The following GPHN variants were observed in gnomAD, a reference collection of about 807,000 sequenced individuals.
The protein encoded by GPHN is gephyrin.
In GPHN, 17 loss-of-function variants were observed where a neutral mutation model predicts 95.5. The observed-to-expected ratio is 0.18, with a 90% CI of 0.12 to 0.27. The LOEUF (loss-of-function observed/expected upper bound fraction) is 0.27, where lower values mean the gene tolerates loss of function less well. GPHN is among the 10% of genes least tolerant of loss of function. The pLI is 1.00. For missense variants in GPHN, 660 were observed against 978.1 expected, an observed-to-expected ratio of 0.67 and a Z score of 4.34; for synonymous variants, 320 against 322.5, an observed-to-expected ratio of 0.99 and a Z score of 0.08.
At chr14:67,610,017 G>A in the GPHN span, among the ~76,000 whole-genome samples, 1 of 152,240 alleles carries the variant, frequency 6.6e-6, no homozygotes, top group East Asian at 1.9e-4. Flanking sequence ...AAGGGCCAAC[G>A]GAGAAGGCAG....
At chr14:67,674,267 A>T in the GPHN span, 1 of 1,042,708 alleles carries the variant, frequency 9.6e-7, no homozygotes, top group Non-Finnish European at 1.3e-6. Context: ...GTGTCTGAGG[A>T]CGCGGAGGGA....
chr14:67,130,619 A>G (rs1478301272), intron 17 of GPHN, among the ~76,000 whole-genome samples: 3 of 152,134 alleles, frequency 2.0e-5, no homozygotes, highest in Non-Finnish European at 4.4e-5. Flanking sequence ...TTCTGGATAT[A>G]TACCCAGTGA....
At chr14:67,721,738 GATATATATATAT>G in the GPHN span, among the ~76,000 whole-genome samples, 5 of 147,018 alleles carry the variant, frequency 3.4e-5, no homozygotes, top group Non-Finnish European at 6.0e-5. Flanking sequence ...AACAAGTGGG[GATATATATATAT>G]ATATATATAT....
chr14:67,018,345 T>C (rs955412819), intron 9 of GPHN, among the ~76,000 whole-genome samples: 2 of 152,146 alleles, frequency 1.3e-5, no homozygotes, highest in Admixed American at 6.5e-5. Context: ...AAATTATTTC[T>C]GATTGAGGAA....
At chr14:67,670,907 T>C in the GPHN span, among the ~76,000 whole-genome samples, 2 of 152,190 alleles carry the variant, frequency 1.3e-5, no homozygotes, top group Non-Finnish European at 2.9e-5. Flanking sequence ...TCAGTGTTTA[T>C]TGAAAAATGA....
At chr14:66,675,636 A>G (rs748554449) in intron 1 of GPHN, among the ~76,000 whole-genome samples, 1 of 151,714 alleles carries the variant, frequency 6.6e-6, no homozygotes, top group Non-Finnish European at 1.5e-5. Flanking sequence ...CCGTTTGTCT[A>G]TTTTTGTTTT....
the GPHN span, among the ~76,000 whole-genome samples, chr14:67,656,808 G>A: frequency 1.3e-5 from 2 of 152,100 alleles, no homozygotes; most frequent in Non-Finnish European, 2.9e-5. Context: ...CCACTCCACT[G>A]CCTTTTACAC....
the GPHN span, among the ~76,000 whole-genome samples, chr14:67,255,933 T>C: frequency 6.6e-6 from 1 of 152,246 alleles, no homozygotes; most frequent in South Asian, 2.1e-4. Flanking sequence ...GTGATCCACA[T>C]GCTTTGGCCT....
chr14:67,173,053 A>G (rs1191752511), intron 21 of GPHN, among the ~76,000 whole-genome samples: 1 of 152,136 alleles, frequency 6.6e-6, no homozygotes, highest in Non-Finnish European at 1.5e-5. Flanking sequence ...CATAGCTACA[A>G]CTCAGCCACC....
chr14:66,740,985 A>G (rs971836555), intron 2 of GPHN, among the ~76,000 whole-genome samples: 1 of 152,206 alleles, frequency 6.6e-6, no homozygotes, highest in African/African-American at 2.4e-5. Context: ...TTCTTGTGGC[A>G]TCTCATGGCA....
the GPHN span, among the ~76,000 whole-genome samples, chr14:67,424,189 G>A: frequency 6.6e-6 from 1 of 152,020 alleles, no homozygotes; most frequent in Non-Finnish European, 1.5e-5. Flanking sequence ...GTGGTGAGCT[G>A]AGATCATGCC....
At chr14:66,522,848 T>G (rs937031692) in intron 1 of GPHN, among the ~76,000 whole-genome samples, 2 of 152,034 alleles carry the variant, frequency 1.3e-5, no homozygotes, top group Non-Finnish European at 2.9e-5. Flanking sequence ...TATTTGATTC[T>G]GAAAATCTAT....
At chr14:67,557,887 T>C in the GPHN span, among the ~76,000 whole-genome samples, 1 of 152,348 alleles carries the variant, frequency 6.6e-6, no homozygotes, top group East Asian at 1.9e-4. Flanking sequence ...AGATACTTGA[T>C]ACTTGGCTGT....
the GPHN span, among the ~76,000 whole-genome samples, chr14:67,285,230 G>A: frequency 1.3e-5 from 2 of 152,146 alleles, no homozygotes; most frequent in East Asian, 1.9e-4. Context: ...AAAAGAGTTG[G>A]AATTATTTAC....
At chr14:67,294,673 T>C in the GPHN span, 2 of 152,044 alleles carry the variant, frequency 1.3e-5, no homozygotes, top group African/African-American at 4.8e-5. Context: ...TTAGATATTA[T>C]AGTGCTTTTT....
chr14:66,750,876 C>T (rs975267393), intron 2 of GPHN, among the ~76,000 whole-genome samples: 3 of 152,020 alleles, frequency 2.0e-5, no homozygotes, highest in African/African-American at 7.2e-5. Flanking sequence ...TAAGTTGGCA[C>T]AAGTGACCTA....
At chr14:67,314,838 C>G in the GPHN span, among the ~76,000 whole-genome samples, 9 of 152,168 alleles carry the variant, frequency 5.9e-5, no homozygotes, top group Non-Finnish European at 8.8e-5. Flanking sequence ...CACCTGTAAT[C>G]CCAGCACTTT....
the GPHN span, chr14:67,359,962 C>T: frequency 1.5e-5 from 8 of 544,918 alleles, no homozygotes; most frequent in African/African-American, 1.9e-5. Flanking sequence ...TCCGGTTCGC[C>T]TCCCAACCCC....
intron 5 of GPHN, among the ~76,000 whole-genome samples, chr14:66,892,434 A>C (rs1020510319): frequency 2.6e-5 from 4 of 152,190 alleles, no homozygotes; most frequent in African/African-American, 9.6e-5. Flanking sequence ...AAGAATTGAA[A>C]GCAGGGACTG....
Sources: gnomAD v4.1 joint callset for allele counts (sites outside exome capture counted in the v4.1 genomes callset) on GRCh38, gnomAD v4.1.1 for gene constraint, MANE v1.5 for transcripts, NCBI Gene and HGNC (gene_info 2026-07-23, HGNC 2026-07-21) for gene names.